VPS13B: variants seen among roughly 807,000 people sequenced by gnomAD.
The protein encoded by VPS13B is intermembrane lipid transfer protein VPS13B.
In VPS13B, 285 loss-of-function variants were observed where a neutral mutation model predicts 426.4. The observed-to-expected ratio is 0.67, with a 90% CI of 0.61 to 0.74. The LOEUF (loss-of-function observed/expected upper bound fraction) is 0.74, where lower values mean the gene tolerates loss of function less well. Ranked by LOEUF, VPS13B falls within the 30% of genes least tolerant of loss-of-function variation. VPS13B has a pLI of 0.00. For synonymous variants in VPS13B, 1,676 were observed against 1,676.4 expected (o/e 1.00, Z 0.01); for missense variants, 4,537 against 4,782.6 (o/e 0.95, Z 1.51).
chr8:99,467,316 A>C, intron 23 of VPS13B, 98 bp from the exon 24 acceptor site: 1 of 1,195,238 alleles, frequency 8.4e-7, no homozygotes, highest in African/African-American at 1.5e-5. Flanking sequence ...ATGCAGTATT[A>C]GTCATAAATG....
chr8:99,325,606 G>T (rs1810210279), intron 19 of VPS13B, among the ~76,000 whole-genome samples: 1 of 152,142 alleles, frequency 6.6e-6, no homozygotes, highest in Non-Finnish European at 1.5e-5. Flanking sequence ...TGTGGCTCAA[G>T]CCAAAATCTC....
intron 24 of VPS13B, 125 bp downstream of exon 24, chr8:99,467,759 G>A (rs1443737267): frequency 2.0e-6 from 2 of 1,008,186 alleles, no homozygotes; most frequent in Non-Finnish European, 1.5e-6. Flanking sequence ...TGGCCATCAA[G>A]ATCAGGGTGG....
chr8:99,639,985 G>GTAA (rs58877812), intron 33 of VPS13B, among the ~76,000 whole-genome samples: 66 of 81,220 alleles, frequency 8.1e-4, no homozygotes, highest in Non-Finnish European at 1.0e-3. Flanking sequence ...TTTAAAAATA[G>GTAA]TAATAATAAT....
At chr8:99,040,768 A>G (rs969333399) in intron 3 of VPS13B, among the ~76,000 whole-genome samples, 1 of 152,170 alleles carries the variant, frequency 6.6e-6, no homozygotes. Flanking sequence ...CAGGTACTCA[A>G]AGATATGAAT....
At chr8:99,334,805 T>C (rs1810732838) in intron 19 of VPS13B, among the ~76,000 whole-genome samples, 1 of 152,176 alleles carries the variant, frequency 6.6e-6, no homozygotes, top group Non-Finnish European at 1.5e-5. Flanking sequence ...TCAAGGATAT[T>C]GGTCTAAAAT....
chr8:99,547,329 CCT>C (rs962055988), intron 30 of VPS13B, among the ~76,000 whole-genome samples: 20 of 151,982 alleles, frequency 1.3e-4, no homozygotes, highest in African/African-American at 4.6e-4. Context: ...TATTATATCC[CCT>C]GTCCTATTTA....
At chr8:99,313,234 G>A (rs1199239965) in intron 19 of VPS13B, among the ~76,000 whole-genome samples, 4 of 152,192 alleles carry the variant, frequency 2.6e-5, no homozygotes, top group African/African-American at 9.7e-5. Context: ...TTTGGAGGGG[G>A]AGAAGCGCTC....
chr8:99,410,894 C>T (rs1815614696), intron 21 of VPS13B, among the ~76,000 whole-genome samples: 2 of 152,126 alleles, frequency 1.3e-5, no homozygotes, highest in Admixed American at 1.3e-4. Context: ...GACATAAACT[C>T]ATCCTTTTTT....
intron 5 of VPS13B, among the ~76,000 whole-genome samples, chr8:99,110,278 C>G (rs1199014200): frequency 6.6e-6 from 1 of 152,094 alleles, no homozygotes; most frequent in African/African-American, 2.4e-5. Context: ...CTTAAAATCA[C>G]TGGGCAAGTA....
chr8:99,487,871 C>T (rs1820394484), intron 25 of VPS13B, among the ~76,000 whole-genome samples: 1 of 152,062 alleles, frequency 6.6e-6, no homozygotes, highest in African/African-American at 2.4e-5. Context: ...TGGGTTATTT[C>T]TACCCTTTTG....
At chr8:99,864,729 T>C (rs2130950843) in intron 58 of VPS13B, among the ~76,000 whole-genome samples, 1 of 152,338 alleles carries the variant, frequency 6.6e-6, no homozygotes, top group South Asian at 2.1e-4. Context: ...TTATTTGATC[T>C]TCACAACCCT....
chr8:99,062,691 C>A (rs1185632136), intron 3 of VPS13B, among the ~76,000 whole-genome samples: 1 of 152,166 alleles, frequency 6.6e-6, no homozygotes, highest in African/African-American at 2.4e-5. Flanking sequence ...TGGTCTCGAA[C>A]TTTCGACCTC....
chr8:99,279,869 A>G (rs558436257), intron 19 of VPS13B, among the ~76,000 whole-genome samples: 1 of 152,256 alleles, frequency 6.6e-6, no homozygotes, highest in African/African-American at 2.4e-5. Context: ...TCCCAGGTTC[A>G]TGCCATTCTC....
intron 8 of VPS13B, among the ~76,000 whole-genome samples, chr8:99,134,094 T>A (rs1419524072): frequency 6.6e-6 from 1 of 152,260 alleles, no homozygotes; most frequent in Non-Finnish European, 1.5e-5. Flanking sequence ...ATTTGTTGCA[T>A]GATTGAATGA....
intron 34 of VPS13B, among the ~76,000 whole-genome samples, chr8:99,654,018 G>T (rs1829923830): frequency 2.7e-5 from 4 of 150,544 alleles, no homozygotes; most frequent in Admixed American, 2.7e-4. Flanking sequence ...TCCTGACATT[G>T]GATGATGATG....
intron 34 of VPS13B, among the ~76,000 whole-genome samples, chr8:99,647,169 G>T (rs575566665): frequency 2.0e-5 from 3 of 152,044 alleles, no homozygotes; most frequent in Admixed American, 6.6e-5. Flanking sequence ...GCTTGTCATT[G>T]TTTATTGTTT....
intron 21 of VPS13B, among the ~76,000 whole-genome samples, chr8:99,391,992 G>A (rs1279532701): frequency 6.6e-6 from 1 of 152,222 alleles, no homozygotes; most frequent in Non-Finnish European, 1.5e-5. Flanking sequence ...ATTCTCCAGA[G>A]GGAGGCGCTG....
intron 35 of VPS13B, among the ~76,000 whole-genome samples, chr8:99,666,323 C>G (rs1830484345): frequency 1.3e-5 from 2 of 152,128 alleles, no homozygotes; most frequent in Admixed American, 1.3e-4. Flanking sequence ...CCAGCATCAT[C>G]CTGATACCAA....
intron 17 of VPS13B, among the ~76,000 whole-genome samples, chr8:99,260,253 A>G (rs928988176): frequency 6.6e-6 from 1 of 152,118 alleles, no homozygotes; most frequent in Non-Finnish European, 1.5e-5. Flanking sequence ...CTTTATTTCT[A>G]TCAACTCTCA....
Sources: gnomAD v4.1 joint callset for allele counts (sites outside exome capture counted in the v4.1 genomes callset) on GRCh38, gnomAD v4.1.1 for gene constraint, MANE v1.5 for transcripts, NCBI Gene and HGNC (gene_info 2026-07-23, HGNC 2026-07-21) for gene names.